Variants in MYO18A observed in about 807,000 individuals in gnomAD.
MYO18A encodes unconventional myosin-XVIIIa.
Under a neutral mutation model 235.8 loss-of-function variants are expected in MYO18A, and 78 were observed. That is an observed-to-expected ratio of 0.33 (90% CI 0.28 to 0.40). The LOEUF is 0.40. MYO18A is among the 10% of genes least tolerant of loss of function. The pLI is 1.00. For synonymous variants in MYO18A, 977 were observed against 1,077.8 expected (o/e 0.91, Z 1.83); for missense variants, 2,215 against 2,699.3 (o/e 0.82, Z 3.98).
rs1285387085 is a variant in MYO18A at position 29,120,379 on chromosome 17, G to C, written c.1728+237C>G. On this transcript the variant is annotated intron_variant, in intron 7 of 41. Transcript: ENST00000527372. The surrounding 1 kb of genome is among the most constrained non-coding windows in gnomAD (Gnocchi z 4.2). Reference sequence around the variant, plus strand: ...AGCAGTAGAGTTAGGACAACCCCAGGGTTGGGAGAGTGAAGGGAACTGGGC... The same window carrying C: ...AGCAGTAGAGTTAGGACAACCCCAGCGTTGGGAGAGTGAAGGGAACTGGGC... 6.6e-6 allele frequency among the ~76,000 whole-genome samples: 1 copy of C among 152,264 alleles called. No individual in the cohort carries two copies. Among genetic ancestry groups the C allele is most frequent in the African/African-American group, 2.4e-5 (1 of 41,478 alleles).
At chr17:29,141,166 C>A (rs892907468) in intron 2 of MYO18A, among the ~76,000 whole-genome samples, 1 of 152,148 alleles carries the variant, frequency 6.6e-6, no homozygotes, top group African/African-American at 2.4e-5. Context: ...GGGTGGGCCT[C>A]AGCCCTGCAG....
Position 29,098,085 on chromosome 17 carries a change from C to T in MYO18A, c.3990+20G>A, listed in dbSNP as rs565134136. On this transcript the variant is annotated intron_variant, in intron 25 of 41. Transcript: ENST00000527372. Reference sequence around the variant, plus strand: ...ATGGCAGTCACCAGCCTGCTGTTCTCACCCAGGCCCTGCCCTCACCTGCAG... The same window carrying T: ...ATGGCAGTCACCAGCCTGCTGTTCTTACCCAGGCCCTGCCCTCACCTGCAG... 98 of 1,611,186 alleles carry T rather than the reference C, an allele frequency of 6.1e-5. 1 individual carries two copies. In the South Asian group the frequency reaches 1.0e-3, roughly 17 times the overall value.
rs748943548 is a variant in MYO18A, at chr17:29,094,098, T to C, written c.4711-8A>G. On this transcript the variant is annotated splice_region_variant and splice_polypyrimidine_tract_variant and intron_variant, in intron 30 of 41. Coordinates refer to ENST00000527372, the MANE Select transcript of MYO18A (RefSeq NM_078471.4). ...CTCCAGACGCAGCTTGGCCTGGAGG[T>C]GGTTGGAGTAGGGTCTGGGTTCCCT... is the stretch of plus-strand genomic sequence containing the variant. 10 of 1,594,388 alleles carry C rather than the reference T, an allele frequency of 6.3e-6. No homozygotes were observed. The highest frequency in any genetic ancestry group is 8.5e-6 in the Non-Finnish European group (10 of 1,170,572).
intron 2 of MYO18A, among the ~76,000 whole-genome samples, chr17:29,143,349 C>G (rs1328048737): frequency 6.6e-6 from 1 of 152,034 alleles, no homozygotes; most frequent in Non-Finnish European, 1.5e-5. Flanking sequence ...CCTCCCACCT[C>G]AGCCTCCGTA....
At chr17:29,151,953 C>T (rs891882464) in intron 2 of MYO18A, among the ~76,000 whole-genome samples, 9 of 152,162 alleles carry the variant, frequency 5.9e-5, no homozygotes, top group Non-Finnish European at 1.3e-4. Flanking sequence ...AAGGGGAGGA[C>T]ACGGTGGAGA....
chr17:29,116,369 A>G lies in MYO18A; in HGVS notation c.2050+75T>C, dbSNP rs2067060712. ...CCACAGGGGAAAGGGAACAGCCCGC[A>G]CAGACATATGTGCCTCAGCCAACAT... On this transcript the variant is annotated intron_variant, in intron 11 of 41. Transcript: ENST00000527372. 80 of 1,578,246 alleles carry G rather than the reference A, an allele frequency of 5.1e-5. No homozygotes were observed. The South Asian group carries it at 8.4e-4, about 17-fold the overall frequency.
intron 25 of MYO18A, 36 bp from the exon 26 acceptor site, chr17:29,097,935 T>A: frequency 1.9e-6 from 3 of 1,592,752 alleles, no homozygotes; most frequent in Non-Finnish European, 2.6e-6. Context: ...TGCCATTCCA[T>A]CCCCTCATAC....
chr17:29,120,489 C>T lies in MYO18A; in HGVS notation c.1728+127G>A. On this transcript the variant is annotated intron_variant, in intron 7 of 41. Coordinates refer to ENST00000527372, the MANE Select transcript of MYO18A (RefSeq NM_078471.4). This position sits in a 1 kb window ranked among gnomAD's most constrained non-coding sequence, Gnocchi z 4.2. ...CTGGATAGTGCAGGCCAACCCTGCC[C>T]ATGCCTGGGTCAATTTTGTTAGGGT... 7.8e-7 allele frequency: 1 copy of T among 1,289,846 alleles called. No homozygotes were observed. The highest frequency in any genetic ancestry group is 1.1e-6 in the Non-Finnish European group (1 of 944,218). 79.9% of individuals were successfully genotyped at this position (1,289,846 alleles called of 1,614,324 possible). A position where few individuals can be genotyped will look rare whatever the true frequency, so the allele number is the denominator to read the frequency against.
At chr17:29,104,996 T>C (rs994027626) in intron 20 of MYO18A, among the ~76,000 whole-genome samples, 1 of 151,548 alleles carries the variant, frequency 6.6e-6, no homozygotes, top group Non-Finnish European at 1.5e-5. Flanking sequence ...CTGGCTAACA[T>C]GGTGAAACCC....
chr17:29,074,786 G>A lies in MYO18A; in HGVS notation c.6149C>T (p.Thr2050Met), dbSNP rs764644006. The change falls in exon 42 of 42, where the codon ACG becomes ATG. Residue 2050 changes from threonine (T) to methionine (M), a missense_variant. Thr to Met is a moderately conservative substitution (Grantham distance 81). Transcript: ENST00000527372. This position sits in a 1 kb window ranked among gnomAD's most constrained non-coding sequence, Gnocchi z 4.4. Reference protein sequence around the residue: ...LSDSDTEAKLTETNA With the variant: ...LSDSDTEAKLMETNA ...TCCCCTGGGCTATGCGTTAGTCTCCGTCAGCTTGGCCTCTGTGTCGCTGTC... is the reference window on the plus strand; with the variant it reads ...TCCCCTGGGCTATGCGTTAGTCTCCATCAGCTTGGCCTCTGTGTCGCTGTC... The A allele has an allele frequency of 3.1e-6, 5 of 1,613,840 alleles. No individual in the cohort carries two copies. The highest frequency in any genetic ancestry group is 1.3e-5 in the African/African-American group (1 of 74,918).
rs2065932783 is a variant in MYO18A, at chr17:29,074,679, T to TG, written c.*90dup. 1 of 1,422,136 alleles carries TG rather than the reference T, an allele frequency of 7.0e-7. No individual in the cohort carries two copies. The highest frequency in any genetic ancestry group is 9.8e-7 in the Non-Finnish European group (1 of 1,016,218). 88.1% of individuals were successfully genotyped at this position (1,422,136 alleles called of 1,614,324 possible). ...TTTCCCATGCAGATCAGCAGTCGGGTGGGGGAGACCGGTGCCCCACCACTT... is the reference window on the plus strand; with the variant it reads ...TTTCCCATGCAGATCAGCAGTCGGGTGGGGGGAGACCGGTGCCCCACCACTT... On this transcript the variant is annotated 3_prime_UTR_variant, in exon 42 of 42. Coordinates refer to ENST00000527372, the MANE Select transcript of MYO18A (RefSeq NM_078471.4). This position sits in a 1 kb window ranked among gnomAD's most constrained non-coding sequence, Gnocchi z 4.4.
In MYO18A at chr17:29,098,390, T is replaced by C; in HGVS notation, c.3836A>G (p.Glu1279Gly). ...KLEKAEKERN[E>G]LRLNSDRLES... ...CAGCCGGTCACTGTTGAGCCGCAGC[T>C]CGTTCCTCTCCTTCTCCGCCTTCTC... is the stretch of plus-strand genomic sequence containing the variant. Residue 1279 changes from glutamate to glycine, a missense_variant, in exon 24 of 42, where the codon GAG becomes GGG. Transcript: ENST00000527372. The C allele has an allele frequency of 6.2e-7, 1 of 1,613,962 alleles. No homozygotes were observed. The highest frequency in any genetic ancestry group is 8.5e-7 in the Non-Finnish European group (1 of 1,179,886).
At chr17:29,155,342 C>G (rs1183520966) in intron 2 of MYO18A, 1 of 152,556 alleles carries the variant, frequency 6.6e-6, no homozygotes, top group African/African-American at 2.4e-5. Flanking sequence ...TCCTCCCCAC[C>G]ACACATGCAG....
At chr17:29,134,694 T>C (rs985023571) in intron 2 of MYO18A, among the ~76,000 whole-genome samples, 3 of 151,920 alleles carry the variant, frequency 2.0e-5, no homozygotes, top group African/African-American at 7.3e-5. Context: ...GGCTAATTTC[T>C]GTATTTTTAG....
At chr17:29,149,141 C>T (rs964583171) in intron 2 of MYO18A, among the ~76,000 whole-genome samples, 4 of 152,208 alleles carry the variant, frequency 2.6e-5, no homozygotes, top group Admixed American at 6.5e-5. Flanking sequence ...CCAGGAGCTC[C>T]GGCCCGAGGG....
chr17:29,085,513 T>C (rs2066231055), intron 40 of MYO18A, 91 bp downstream of exon 40: 2 of 1,147,818 alleles, frequency 1.7e-6, no homozygotes, highest in African/African-American at 3.0e-5. Flanking sequence ...ATCCACATGC[T>C]GCGTGCAGCG....
intron 3 of MYO18A, 63 bp from the exon 4 acceptor site, chr17:29,122,020 C>A (rs1358433344): frequency 1.9e-6 from 3 of 1,564,540 alleles, no homozygotes; most frequent in South Asian, 1.1e-5. Context: ...CACTTGGGAA[C>A]TTCTCGGTCC....
In MYO18A at chr17:29,118,235, C is replaced by A; in HGVS notation, c.1894-46G>T. On this transcript the variant is annotated intron_variant, in intron 9 of 41. Transcript: ENST00000527372. This position sits in a 1 kb window ranked among gnomAD's most constrained non-coding sequence, Gnocchi z 4.2. ...AAAGGGCTGTCCCTCCCAGCACACC[C>A]CCATGAGGCTGGGCCCTCAGGGCAA... is the stretch of plus-strand genomic sequence containing the variant. 1 of 1,578,172 alleles carries A rather than the reference C, an allele frequency of 6.3e-7. No individual in the cohort carries two copies. Among genetic ancestry groups the A allele is most frequent in the Non-Finnish European group, 8.6e-7 (1 of 1,159,630 alleles).
chr17:29,165,908 C>T (rs1191281141), intron 2 of MYO18A, 34 bp downstream of exon 2: 5 of 1,584,572 alleles, frequency 3.2e-6, no homozygotes, highest in Non-Finnish European at 4.3e-6. Context: ...ATTCCCCATC[C>T]CTGCTTAGCC....
Sources: allele counts gnomAD v4.1 joint callset (sites outside exome capture counted in the v4.1 genomes callset), GRCh38; gene constraint gnomAD v4.1.1; non-coding constraint Gnocchi (gnomAD v3.1); transcripts MANE v1.5; gene names NCBI Gene and HGNC (gene_info 2026-07-23, HGNC 2026-07-21).